Variants in CYP3A7 observed in about 807,000 individuals in gnomAD.
The protein encoded by CYP3A7 is cytochrome P450 family 3 subfamily A member 7.
A neutral mutation model predicts 55.2 loss-of-function variants in CYP3A7; 45 were observed. The observed-to-expected ratio is 0.82, with a 90% CI of 0.64 to 1.05. The LOEUF (loss-of-function observed/expected upper bound fraction) is 1.05. CYP3A7 is among the 50% of genes least tolerant of loss of function. CYP3A7 has a pLI of 0.00. For missense variants in CYP3A7, 548 were observed against 605.3 expected (o/e 0.91, Z 0.99); for synonymous variants, 180 against 207.4 (o/e 0.87, Z 1.13).
intron 7 of CYP3A7, 138 bp downstream of exon 7, chr7:99,715,620 G>T: frequency 7.0e-7 from 1 of 1,431,066 alleles, no homozygotes; most frequent in East Asian, 2.4e-5. Flanking sequence ...CAATGGTGAT[G>T]GTCGTACATA....
chr7:99,706,565 C>A (rs1272331928), intron 12 of CYP3A7, among the ~76,000 whole-genome samples: 1 of 152,210 alleles, frequency 6.6e-6, no homozygotes, highest in Non-Finnish European at 1.5e-5. Flanking sequence ...TTTATAGGGT[C>A]TTGCTTAATA....
chr7:99,708,197 AG>A (rs2151500679), intron 11 of CYP3A7, among the ~76,000 whole-genome samples: 1 of 152,272 alleles, frequency 6.6e-6, no homozygotes, highest in South Asian at 2.1e-4. Flanking sequence ...TCTTGTTGAG[AG>A]GAGATAAATA....
Position 99,709,127 on chromosome 7 carries a change from A to G in CYP3A7, c.1161T>C (p.Phe387=), listed in dbSNP as rs764352935. ...TCATCACCACCACCCCTTTGGGAAT[A>G]AACATCCCATTGATTTCAACATCTT... ...CKKDVEINGM[F]IPKGVVVMIP... is the part of the protein sequence containing the mutation. The change falls in exon 11 of 13, where the codon TTT becomes TTC. Residue 387 remains phenylalanine (F), a synonymous_variant. Transcript: ENST00000336374. 8 of 1,613,874 alleles carry G rather than the reference A, an allele frequency of 5.0e-6. No individual in the cohort carries two copies. In the East Asian group the frequency reaches 8.9e-5, roughly 18 times the overall value.
At position 99,705,399 on chromosome 7, in the gene CYP3A7, G is replaced by A. The variant is rs1813481334; in HGVS notation, c.*101C>T. ...TTATTTATGCAGCACATTGGATGAA[G>A]CCCGTCTTCATTTCAGGGTTCTATT... On this transcript the variant is annotated 3_prime_UTR_variant, in exon 13 of 13. Transcript: ENST00000336374. 4 of 1,313,366 alleles carry A rather than the reference G, an allele frequency of 3.0e-6. No individual in the cohort carries two copies. Among genetic ancestry groups the A allele is most frequent in the East Asian group, 2.4e-5 (1 of 42,084 alleles). The allele number at this position is 1,313,366 out of a possible 1,614,324, so 81.4% of individuals were successfully genotyped here. A position where few individuals can be genotyped will look rare whatever the true frequency, so the allele number is the denominator to read the frequency against.
intron 2 of CYP3A7, among the ~76,000 whole-genome samples, chr7:99,727,125 A>G (rs1584522319): frequency 6.6e-6 from 1 of 152,164 alleles, no homozygotes; most frequent in Admixed American, 6.5e-5. Context: ...GGCTGTTCCC[A>G]TACTAGCTCT....
chr7:99,729,040 A>G (rs73410654), intron 2 of CYP3A7, among the ~76,000 whole-genome samples: 23,830 of 152,110 alleles, frequency 0.16, 2,429 homozygotes, highest in South Asian at 0.33. Flanking sequence ...GTATATGACA[A>G]TATAAAAAAG....
intron 2 of CYP3A7, 144 bp downstream of exon 2, chr7:99,730,915 G>A: frequency 9.1e-7 from 1 of 1,104,240 alleles, no homozygotes; most frequent in Non-Finnish European, 1.3e-6. Context: ...GGTAAACTTT[G>A]CCACGCTCTG....
chr7:99,721,939 C>T (rs1814216575), intron 3 of CYP3A7, among the ~76,000 whole-genome samples: 1 of 152,176 alleles, frequency 6.6e-6, no homozygotes, highest in South Asian at 2.1e-4. Context: ...TCTGCAAGGA[C>T]ACCTGCCCAG....
chr7:99,734,615 CT>C (rs979326791), intron 1 of CYP3A7, among the ~76,000 whole-genome samples: 1 of 149,794 alleles, frequency 6.7e-6, no homozygotes, highest in Non-Finnish European at 1.5e-5. Flanking sequence ...CTTTTTTTTT[CT>C]TTTTTTTCTC....
rs41279863 is a variant in CYP3A7, at chr7:99,710,851, T to G, written c.907A>C (p.Ile303Leu). Residue 303 changes from isoleucine to leucine, a missense_variant, in exon 10 of 13, where the codon ATT (isoleucine) becomes CTT (leucine). Transcript: ENST00000336374. ...LELMAQSIIF[I>L]FAGYETTSSV... Reference sequence around the variant, plus strand: ...CTCGTGGTTTCATAGCCAGCAAAAATAAAGATAATTGATTGGGCCATGAGC... The same window carrying G: ...CTCGTGGTTTCATAGCCAGCAAAAAGAAAGATAATTGATTGGGCCATGAGC... The G allele has an allele frequency of 6.2e-7, 1 of 1,613,622 alleles. No homozygotes were observed. Among genetic ancestry groups the G allele is most frequent in the Non-Finnish European group, 8.5e-7 (1 of 1,179,786 alleles).
intron 2 of CYP3A7, among the ~76,000 whole-genome samples, chr7:99,724,226 A>G (rs1025770639): frequency 6.6e-6 from 1 of 152,118 alleles, no homozygotes; most frequent in Non-Finnish European, 1.5e-5. Flanking sequence ...CCTTTGACTA[A>G]CACCTGACCT....
chr7:99,705,348 G>T lies in CYP3A7; in HGVS notation c.*152C>A. 1 of 835,042 alleles carries T rather than the reference G, an allele frequency of 1.2e-6. No homozygotes were observed. The highest frequency in any genetic ancestry group is 1.9e-6 in the Non-Finnish European group (1 of 522,888). 51.7% of individuals were successfully genotyped at this position (835,042 alleles called of 1,614,324 possible). ...AACACTCTATACAGACCATGAGAGA[G>T]CACAATGCACGTACAGAATCCCTGA... On this transcript the variant is annotated 3_prime_UTR_variant, in exon 13 of 13. Transcript: ENST00000336374.
At chr7:99,722,058 C>A (rs1459739052) in intron 3 of CYP3A7, among the ~76,000 whole-genome samples, 1 of 152,200 alleles carries the variant, frequency 6.6e-6, no homozygotes, top group African/African-American at 2.4e-5. Context: ...TTCTGTGGAA[C>A]ATCTTTGTCT....
chr7:99,725,486 T>G (rs1259911204), intron 2 of CYP3A7, among the ~76,000 whole-genome samples: 1 of 152,114 alleles, frequency 6.6e-6, no homozygotes, highest in Admixed American at 6.5e-5. Flanking sequence ...CTTCAGAACA[T>G]CCAAGCCACA....
intron 3 of CYP3A7, among the ~76,000 whole-genome samples, chr7:99,721,867 C>G (rs1049072108): frequency 6.6e-6 from 1 of 152,150 alleles, no homozygotes; most frequent in Non-Finnish European, 1.5e-5. Context: ...AAAACTATCA[C>G]AAAATACTTG....
At chr7:99,729,091 CTTAT>C (rs1186239134) in intron 2 of CYP3A7, among the ~76,000 whole-genome samples, 12 of 152,140 alleles carry the variant, frequency 7.9e-5, no homozygotes, top group Non-Finnish European at 1.8e-4. Flanking sequence ...CAGGCAAATA[CTTAT>C]TTTGGACCCA....
In CYP3A7 at chr7:99,714,427, C is replaced by G. The variant is rs1231768829; in HGVS notation, c.798+128G>C. On this transcript the variant is annotated intron_variant, in intron 8 of 12. Coordinates refer to ENST00000336374, the MANE Select transcript of CYP3A7 (RefSeq NM_000765.5). ...TTCCTACCAAATGAATTATCTTGCTCTAAACATAAGTACTCTTTATGTTAA... is the reference window on the plus strand; with the variant it reads ...TTCCTACCAAATGAATTATCTTGCTGTAAACATAAGTACTCTTTATGTTAA... The G allele has an allele frequency of 7.0e-6, 10 of 1,427,054 alleles. No individual in the cohort carries two copies. In the Admixed American group the frequency reaches 1.9e-4, roughly 27 times the overall value. The allele number at this position is 1,427,054 out of a possible 1,614,324, so 88.4% of individuals were successfully genotyped here.
chr7:99,727,258 C>A (rs1440824416), intron 2 of CYP3A7, among the ~76,000 whole-genome samples: 1 of 152,200 alleles, frequency 6.6e-6, no homozygotes, highest in African/African-American at 2.4e-5. Flanking sequence ...CTTGACCTTA[C>A]TGTTTTAGGC....
In CYP3A7 at chr7:99,717,503, T is replaced by C. The variant is rs778873918; in HGVS notation, c.432+23A>G. On this transcript the variant is annotated intron_variant, in intron 5 of 12. Transcript: ENST00000336374. ...CTGATTCATTCTTTAAGTTTCTAAT[T>C]AAAACCCAAGTTATTTTCATACCTC... is the stretch of plus-strand genomic sequence containing the variant. 4 of 1,612,990 alleles carry C rather than the reference T, an allele frequency of 2.5e-6. No individual in the cohort carries two copies. The African/African-American group carries it at 5.3e-5, about 22-fold the overall frequency.
Sources: allele counts gnomAD v4.1 joint callset (sites outside exome capture counted in the v4.1 genomes callset), GRCh38; gene constraint gnomAD v4.1.1; transcripts MANE v1.5; gene names NCBI Gene and HGNC (gene_info 2026-07-23, HGNC 2026-07-21).